Variants in NOMO1 observed in about 807,000 individuals in gnomAD.
NOMO1 encodes nodal modulator 3.
NOMO1 carries 40 observed loss-of-function variants against 133.8 expected under a neutral mutation model. The ratio of observed to expected loss-of-function variants is 0.30; its 90% CI spans 0.23 to 0.39. The LOEUF (loss-of-function observed/expected upper bound fraction) is 0.39, where lower values mean the gene tolerates loss of function less well. NOMO1 is among the 10% of genes least tolerant of loss of function. The pLI, the probability that NOMO1 is intolerant of heterozygous loss-of-function variation, is 1.00. For missense variants in NOMO1, 462 were observed against 1,419.9 expected, an observed-to-expected ratio of 0.33 and a Z score of 10.84; for synonymous variants, 236 against 570.5, an observed-to-expected ratio of 0.41 and a Z score of 8.36.
At chr16:14,889,424 C>T (rs935917301) in intron 29 of NOMO1, among the ~76,000 whole-genome samples, 3 of 152,000 alleles carry the variant, frequency 2.0e-5, no homozygotes, top group Non-Finnish European at 2.9e-5. Context: ...CCCGGCTACT[C>T]GGGAGGCTGA....
chr16:14,875,385 C>G lies in NOMO1; in HGVS notation c.2319C>G (p.Leu773=). 1 of 1,577,176 alleles carries G rather than the reference C, an allele frequency of 6.3e-7. No individual in the cohort carries two copies. The highest frequency in any genetic ancestry group is 1.1e-5 in the South Asian group (1 of 88,790). ...TTACACCGTCATCTAAAGAGCTGCT[C>G]TTTTATCCCCCTTCAATGGAAGCCG... The part of the protein sequence containing the change: ...ITVTPSSKEL[L]FYPPSMEAVV... The change falls in exon 20 of 31, where the codon CTC becomes CTG. Residue 773 remains leucine, a synonymous_variant. Coordinates refer to ENST00000287667, the MANE Select transcript of NOMO1 (RefSeq NM_014287.4).
chr16:14,845,530 C>G (rs1050171229), intron 4 of NOMO1, among the ~76,000 whole-genome samples: 1 of 151,894 alleles, frequency 6.6e-6, no homozygotes, highest in Non-Finnish European at 1.5e-5. Context: ...TTTTTTGGAC[C>G]GCCACGGTGG....
rs987408056 is a variant in NOMO1 at position 14,867,546 on chromosome 16, A to G, written c.1806+855A>G. On this transcript the variant is annotated intron_variant, in intron 15 of 30. Transcript: ENST00000287667. ...CAGTGCAGGGGAAGAAGCTGTAAACAGGATCTTAGCTTCTTGTTGACTGTG... is the reference window on the plus strand; with the variant it reads ...CAGTGCAGGGGAAGAAGCTGTAAACGGGATCTTAGCTTCTTGTTGACTGTG... 3.1e-5 allele frequency among the ~76,000 whole-genome samples: 4 copies of G among 127,870 alleles called. No individual in the cohort carries two copies. In the Admixed American group the frequency reaches 3.5e-4, roughly 11 times the overall value. The allele number at this position is 127,870 out of a possible 152,430, so 83.9% of individuals were successfully genotyped here.
chr16:14,844,320 C>G (rs1011482560), intron 3 of NOMO1, among the ~76,000 whole-genome samples: 6 of 151,900 alleles, frequency 3.9e-5, no homozygotes, highest in African/African-American at 9.7e-5. Flanking sequence ...CAGCTCAGTG[C>G]CTGGTCGTTG....
At chr16:14,865,972 G>C (rs1445217632) in intron 14 of NOMO1, among the ~76,000 whole-genome samples, 1 of 133,112 alleles carries the variant, frequency 7.5e-6, no homozygotes, top group Non-Finnish European at 1.6e-5. Flanking sequence ...GAAAAAGTTT[G>C]TGGATCCCTG....
chr16:14,854,102 T>TA (rs927014097), intron 9 of NOMO1, 76 bp downstream of exon 9: 153 of 870,542 alleles, frequency 1.8e-4, no homozygotes, highest in Non-Finnish European at 2.2e-4. Flanking sequence ...AAACATGTTT[T>TA]AAAAAAAAAT....
intron 27 of NOMO1, among the ~76,000 whole-genome samples, chr16:14,885,482 G>A (rs1327812864): frequency 6.6e-6 from 1 of 152,110 alleles, no homozygotes; most frequent in African/African-American, 2.4e-5. Context: ...CTCTACGGAT[G>A]TTAGTGATTT....
At chr16:14,874,841 C>G (rs1964130595) in intron 18 of NOMO1, among the ~76,000 whole-genome samples, 195 bp from the exon 19 acceptor site, 1 of 151,978 alleles carries the variant, frequency 6.6e-6, no homozygotes, top group South Asian at 2.1e-4. Flanking sequence ...CTACCAGATA[C>G]TGCCACCATC....
At position 14,890,634 on chromosome 16, in the gene NOMO1, T is replaced by TC. The variant is rs1386400705; in HGVS notation, c.3444+1420dup. Among the ~76,000 whole-genome samples, 3 of 56,370 alleles carry TC rather than the reference T, an allele frequency of 5.3e-5. 1 individual carries two copies. The South Asian group carries it at 2.1e-3, about 39-fold the overall frequency. 37.0% of individuals were successfully genotyped at this position (56,370 alleles called of 152,430 possible). On this transcript the variant is annotated intron_variant, in intron 29 of 30. Transcript: ENST00000287667. ...GTACTAGAGGCTGGGAAGTCCAAGA[T>TC]CAAGGCATTGGCAGATTTGGGGTCT...
chr16:14,881,434 C>G (rs775913801), intron 24 of NOMO1, 110 bp from the exon 25 acceptor site: 3 of 1,609,866 alleles, frequency 1.9e-6, no homozygotes, highest in African/African-American at 2.7e-5. Context: ...CATTGAGGCA[C>G]AGTTATCCCC....
intron 16 of NOMO1, among the ~76,000 whole-genome samples, chr16:14,869,258 C>CT (rs1567543972): frequency 6.6e-6 from 1 of 151,180 alleles, no homozygotes; most frequent in African/African-American, 2.4e-5. Context: ...TTTATAATGG[C>CT]TTTTTTTGGA....
chr16:14,881,396 T>C, intron 24 of NOMO1, 148 bp from the exon 25 acceptor site: 1 of 1,569,858 alleles, frequency 6.4e-7, no homozygotes, highest in Non-Finnish European at 8.7e-7. Flanking sequence ...GGTTTGGAAG[T>C]GGGCCGGCCA....
chr16:14,882,414 C>CA (rs1964256458), intron 25 of NOMO1, among the ~76,000 whole-genome samples, 180 bp from the exon 26 acceptor site: 1 of 130,618 alleles, frequency 7.7e-6, no homozygotes, highest in Non-Finnish European at 1.6e-5. Context: ...TCAGATGTTT[C>CA]AACACTAGGG....
intron 14 of NOMO1, among the ~76,000 whole-genome samples, chr16:14,866,059 T>C (rs1963989881): frequency 6.9e-6 from 1 of 145,886 alleles, no homozygotes; most frequent in African/African-American, 2.6e-5. Flanking sequence ...GTTCCAGTTT[T>C]TCTTTCTTTT....
At chr16:14,843,061 G>T (rs1226861656) in intron 3 of NOMO1, among the ~76,000 whole-genome samples, 31 of 126,942 alleles carry the variant, frequency 2.4e-4, no homozygotes, top group African/African-American at 6.9e-4. Flanking sequence ...GAGATTACAG[G>T]TGTGCACCAC....
At chr16:14,852,901 G>A (rs1227434196) in intron 7 of NOMO1, among the ~76,000 whole-genome samples, 5 of 148,768 alleles carry the variant, frequency 3.4e-5, no homozygotes, top group Non-Finnish European at 7.4e-5. Flanking sequence ...TGCGTGGGAG[G>A]CTGAGGCAGT....
chr16:14,868,994 A>G (rs1329003597), intron 16 of NOMO1, among the ~76,000 whole-genome samples: 2 of 146,718 alleles, frequency 1.4e-5, no homozygotes, highest in Non-Finnish European at 3.0e-5. Context: ...GCTGGAGTGT[A>G]GTGGCTTGAT....
intron 11 of NOMO1, among the ~76,000 whole-genome samples, chr16:14,859,677 C>T (rs1963893560): frequency 6.6e-6 from 1 of 151,894 alleles, no homozygotes; most frequent in Admixed American, 6.6e-5. Context: ...TAGCTAGTTT[C>T]ATAACCTGGT....
intron 6 of NOMO1, among the ~76,000 whole-genome samples, chr16:14,850,962 T>C (rs1448004419): frequency 1.3e-5 from 2 of 148,838 alleles, no homozygotes. Flanking sequence ...CATACACCTG[T>C]AATCCCAGCT....
Sources: gnomAD v4.1 joint callset for allele counts (sites outside exome capture counted in the v4.1 genomes callset) on GRCh38, gnomAD v4.1.1 for gene constraint, MANE v1.5 for transcripts, NCBI Gene and HGNC (gene_info 2026-07-23, HGNC 2026-07-21) for gene names.